Variants in PTPRJ observed in about 807,000 individuals in gnomAD.
PTPRJ encodes the protein receptor-type tyrosine-protein phosphatase eta.
In PTPRJ, 129 loss-of-function variants were observed where a neutral mutation model predicts 141.3. The ratio of observed to expected loss-of-function variants is 0.91; its 90% CI spans 0.79 to 1.06. PTPRJ has a LOEUF of 1.06. PTPRJ is among the 50% of genes least tolerant of loss of function. The pLI, the probability that PTPRJ is intolerant of heterozygous loss-of-function variation, is 0.00. For missense variants in PTPRJ, 1,601 were observed against 1,679.7 expected, an observed-to-expected ratio of 0.95 and a Z score of 0.82; for synonymous variants, 610 against 640.5, an observed-to-expected ratio of 0.95 and a Z score of 0.72.
intron 11 of PTPRJ, among the ~76,000 whole-genome samples, chr11:48,141,943 T>C (rs1275970452): frequency 1.3e-5 from 2 of 151,992 alleles, no homozygotes; most frequent in Non-Finnish European, 2.9e-5. Context: ...AATGTGTTTT[T>C]TTTTTTTTTT....
intron 1 of PTPRJ, among the ~76,000 whole-genome samples, chr11:48,037,986 G>A (rs1350064488): frequency 6.6e-6 from 1 of 150,950 alleles, no homozygotes; most frequent in Non-Finnish European, 1.5e-5. Context: ...GCTAAATTCC[G>A]TCCATTTTTC....
chr11:48,053,306 A>T (rs1350235088), intron 1 of PTPRJ, among the ~76,000 whole-genome samples: 6 of 91,924 alleles, frequency 6.5e-5, no homozygotes, highest in African/African-American at 2.7e-4. Context: ...TAAAATATAT[A>T]AATATATAAT....
intron 1 of PTPRJ, among the ~76,000 whole-genome samples, chr11:47,981,271 G>T (rs946767285): frequency 6.6e-6 from 1 of 152,186 alleles, no homozygotes; most frequent in African/African-American, 2.4e-5. Context: ...AAGCCTCCGC[G>T]CGGGCTCCAG....
At chr11:48,082,570 T>A (rs544875943) in intron 1 of PTPRJ, among the ~76,000 whole-genome samples, 71 of 151,524 alleles carry the variant, frequency 4.7e-4, no homozygotes, top group East Asian at 2.9e-3. Flanking sequence ...TTATTTATTT[T>A]TTTTTTGTAG....
chr11:48,057,647 T>C (rs536600727), intron 1 of PTPRJ, among the ~76,000 whole-genome samples: 15 of 152,164 alleles, frequency 9.9e-5, no homozygotes, highest in African/African-American at 3.4e-4. Flanking sequence ...AAATCACTCC[T>C]GAGCCCTGGG....
chr11:48,137,524 C>T (rs947640090), intron 10 of PTPRJ, among the ~76,000 whole-genome samples: 49 of 152,260 alleles, frequency 3.2e-4, no homozygotes, highest in African/African-American at 1.1e-3. Flanking sequence ...TGGAACTTTT[C>T]GAAGGAGGAA....
At chr11:48,156,997 AT>A (rs1178660349) in intron 21 of PTPRJ, among the ~76,000 whole-genome samples, 102 of 142,528 alleles carry the variant, frequency 7.2e-4, no homozygotes, top group African/African-American at 8.2e-4. Context: ...CAAAGATAAG[AT>A]TTTTTTTTTT....
chr11:48,032,097 C>T (rs1854000040), intron 1 of PTPRJ, among the ~76,000 whole-genome samples: 1 of 152,186 alleles, frequency 6.6e-6, no homozygotes, highest in Admixed American at 6.5e-5. Flanking sequence ...ACCTTTGCTG[C>T]TGCTGCTGCT....
chr11:48,083,484 A>G (rs1271462565), intron 1 of PTPRJ, among the ~76,000 whole-genome samples: 3 of 152,274 alleles, frequency 2.0e-5, no homozygotes. Flanking sequence ...AAACACTTAA[A>G]TTAGCAAATC....
intron 1 of PTPRJ, among the ~76,000 whole-genome samples, chr11:48,043,545 T>A (rs535530757): frequency 1.9e-4 from 29 of 152,270 alleles, no homozygotes; most frequent in African/African-American, 6.7e-4. Context: ...AGTTCAGCGC[T>A]CAGTTAACCA....
At chr11:48,121,335 C>T (rs1008738434) in intron 4 of PTPRJ, 69 bp downstream of exon 4, 17 of 1,503,044 alleles carry the variant, frequency 1.1e-5, no homozygotes, top group African/African-American at 8.4e-5. Flanking sequence ...GGGCCTTGTC[C>T]GTTCAAGTTG....
intron 1 of PTPRJ, among the ~76,000 whole-genome samples, chr11:48,006,044 G>T (rs1270442085): frequency 6.6e-6 from 1 of 152,258 alleles, no homozygotes. Context: ...GAGGCAGCAG[G>T]CTGGACCTGG....
intron 18 of PTPRJ, among the ~76,000 whole-genome samples, chr11:48,153,471 C>T (rs11606259): frequency 0.71 from 98,326 of 137,672 alleles, 35,216 homozygotes; most frequent in South Asian, 0.8. Flanking sequence ...CCAGCCTGGG[C>T]GACAGAGCGA....
intron 3 of PTPRJ, among the ~76,000 whole-genome samples, chr11:48,116,901 AT>A (rs1329440838): frequency 6.6e-6 from 1 of 152,194 alleles, no homozygotes; most frequent in Non-Finnish European, 1.5e-5. Context: ...TTGTTAACAT[AT>A]TTCTTTTTCT....
Position 48,157,229 on chromosome 11 carries a change from C to T in PTPRJ, c.3438+1110C>T, listed in dbSNP as rs374822683. On this transcript the variant is annotated intron_variant, in intron 21 of 24. Coordinates refer to ENST00000418331, the MANE Select transcript of PTPRJ (RefSeq NM_002843.4). ...GTCTCAATCTCCTGACCTTGTGGTC[C>T]ACCTGCCTTGGCCTCCCAAAGTGCT... 2.0e-5 allele frequency among the ~76,000 whole-genome samples: 3 copies of T among 152,122 alleles called. No homozygotes were observed. The East Asian group carries it at 5.8e-4, about 29-fold the overall frequency.
At chr11:48,060,932 G>A (rs1230952108) in intron 1 of PTPRJ, among the ~76,000 whole-genome samples, 1 of 152,198 alleles carries the variant, frequency 6.6e-6, no homozygotes, top group Non-Finnish European at 1.5e-5. Flanking sequence ...GCTGCTTGGG[G>A]ACCAGTCCTG....
At chr11:48,157,775 G>A (rs1857648444) in intron 21 of PTPRJ, among the ~76,000 whole-genome samples, 1 of 152,218 alleles carries the variant, frequency 6.6e-6, no homozygotes, top group African/African-American at 2.4e-5. Flanking sequence ...CCATCCTCAT[G>A]TTGCTTGTGA....
At chr11:48,127,584 G>T (rs147711457) in intron 6 of PTPRJ, among the ~76,000 whole-genome samples, 196 bp from the exon 7 acceptor site, 64 of 152,278 alleles carry the variant, frequency 4.2e-4, no homozygotes, top group South Asian at 6.2e-4. Flanking sequence ...CATTGGCCAG[G>T]TTGTTTCTTC....
intron 1 of PTPRJ, among the ~76,000 whole-genome samples, chr11:47,996,653 G>A (rs916611306): frequency 1.3e-5 from 2 of 152,220 alleles, no homozygotes; most frequent in African/African-American, 4.8e-5. Flanking sequence ...TTGTTAACAC[G>A]ACATCTCCTG....
Sources: allele counts gnomAD v4.1 joint callset (sites outside exome capture counted in the v4.1 genomes callset), GRCh38; gene constraint gnomAD v4.1.1; transcripts MANE v1.5; gene names NCBI Gene and HGNC (gene_info 2026-07-23, HGNC 2026-07-21).